The following RAB38 variants were observed in gnomAD, a reference collection of about 807,000 sequenced individuals.
The protein encoded by RAB38 is ras-related protein Rab-38.
Under a neutral mutation model 18.4 loss-of-function variants are expected in RAB38, and 15 were observed. That is an observed-to-expected ratio of 0.82 (90% CI 0.55 to 1.26). The LOEUF is 1.26. Among genes scored for constraint, RAB38 ranks in the 50% most tolerant of loss-of-function variants. RAB38 has a pLI of 0.00. For synonymous variants in RAB38, 101 were observed against 104.4 expected, an observed-to-expected ratio of 0.97 and a Z score of 0.20; for missense variants, 294 against 267.4, an observed-to-expected ratio of 1.10 and a Z score of -0.69.
the RAB38 span, among the ~76,000 whole-genome samples, chr11:88,052,927 T>TTTC: frequency 3.7e-3 from 161 of 43,838 alleles, 9 homozygotes; most frequent in South Asian, 0.016. Context: ...TATATATATA[T>TTTC]ATATATATAT....
the RAB38 span, among the ~76,000 whole-genome samples, chr11:87,838,089 G>T: frequency 0.25 from 37,605 of 151,746 alleles, 5,816 homozygotes; most frequent in African/African-American, 0.43. Flanking sequence ...CAGGAAGAAA[G>T]GCTTACATTC....
the RAB38 span, among the ~76,000 whole-genome samples, chr11:88,039,801 G>A: frequency 1.3e-5 from 2 of 152,158 alleles, no homozygotes. Context: ...GTAGAGTAAA[G>A]AACTATGACC....
the RAB38 span, among the ~76,000 whole-genome samples, chr11:88,033,585 G>A: frequency 6.6e-6 from 1 of 151,954 alleles, no homozygotes; most frequent in Non-Finnish European, 1.5e-5. Flanking sequence ...TGATATTGAA[G>A]TAATCCACCA....
the RAB38 span, among the ~76,000 whole-genome samples, chr11:88,091,463 C>T: frequency 1.3e-5 from 2 of 151,948 alleles, no homozygotes; most frequent in Non-Finnish European, 2.9e-5. Flanking sequence ...CACTAATCAC[C>T]TTCTCACCAT....
At chr11:88,056,018 C>CGTGTGTGT in the RAB38 span, among the ~76,000 whole-genome samples, 1 of 149,862 alleles carries the variant, frequency 6.7e-6, no homozygotes, top group African/African-American at 2.4e-5. Flanking sequence ...TTTTTTCTTT[C>CGTGTGTGT]GTGTGTGTGT....
chr11:88,090,539 A>C, the RAB38 span, among the ~76,000 whole-genome samples: 2 of 152,032 alleles, frequency 1.3e-5, no homozygotes, highest in African/African-American at 4.8e-5. Flanking sequence ...GAAATAGGAC[A>C]AAAGAAGTAT....
At chr11:87,818,208 T>C in the RAB38 span, among the ~76,000 whole-genome samples, 1 of 152,206 alleles carries the variant, frequency 6.6e-6, no homozygotes, top group African/African-American at 2.4e-5. Context: ...GTGATGCTGC[T>C]ACTAGTTTGG....
chr11:87,844,521 G>A, the RAB38 span, among the ~76,000 whole-genome samples: 1 of 152,134 alleles, frequency 6.6e-6, no homozygotes, highest in African/African-American at 2.4e-5. Context: ...ATAGTAGGAG[G>A]TCTAAAACTT....
At chr11:88,041,266 C>G in the RAB38 span, among the ~76,000 whole-genome samples, 1 of 152,220 alleles carries the variant, frequency 6.6e-6, no homozygotes, top group Non-Finnish European at 1.5e-5. Flanking sequence ...CCTGCGTTTT[C>G]AGTCCCACTC....
At chr11:88,133,021 C>T (rs1942784857) in intron 2 of RAB38, among the ~76,000 whole-genome samples, 1 of 152,052 alleles carries the variant, frequency 6.6e-6, no homozygotes, top group African/African-American at 2.4e-5. Flanking sequence ...TGAACTACTG[C>T]ATACAATAGA....
chr11:87,965,445 G>A, the RAB38 span, among the ~76,000 whole-genome samples: 2 of 152,094 alleles, frequency 1.3e-5, no homozygotes, highest in African/African-American at 2.4e-5. Context: ...GATGACGACT[G>A]AATTTGAGAG....
the RAB38 span, among the ~76,000 whole-genome samples, chr11:87,886,835 T>G: frequency 6.6e-6 from 1 of 151,466 alleles, no homozygotes; most frequent in Non-Finnish European, 1.5e-5. Flanking sequence ...TTTTTTTTTT[T>G]TTTTTCTTTT....
chr11:87,813,388 G>A, the RAB38 span, among the ~76,000 whole-genome samples: 1 of 152,068 alleles, frequency 6.6e-6, no homozygotes, highest in Non-Finnish European at 1.5e-5. Context: ...CTCCTTTCAG[G>A]AGGTAGATAA....
chr11:87,879,617 T>C, the RAB38 span: 1 of 151,752 alleles, frequency 6.6e-6, no homozygotes, highest in Non-Finnish European at 1.5e-5. Flanking sequence ...GCAACCTCTA[T>C]GCTCATCTCA....
intron 1 of RAB38, among the ~76,000 whole-genome samples, chr11:88,159,260 T>C (rs1029398397): frequency 6.0e-5 from 9 of 149,584 alleles, no homozygotes; most frequent in African/African-American, 2.2e-4. Flanking sequence ...TACCTAGGAA[T>C]ACATCTAACC....
chr11:87,884,999 C>G, the RAB38 span, among the ~76,000 whole-genome samples: 1 of 152,006 alleles, frequency 6.6e-6, no homozygotes. Flanking sequence ...TGAAAAACTT[C>G]AAAAAATAGA....
At chr11:88,089,576 A>T in the RAB38 span, among the ~76,000 whole-genome samples, 16,921 of 151,962 alleles carry the variant, frequency 0.11, 1,227 homozygotes, top group Admixed American at 0.19. Context: ...CCTTGCTACA[A>T]TTGACTGGCT....
the RAB38 span, among the ~76,000 whole-genome samples, chr11:88,056,630 G>A: frequency 0.11 from 16,968 of 151,764 alleles, 1,861 homozygotes; most frequent in East Asian, 0.33. Flanking sequence ...CGGTGAAACC[G>A]CGTCTCTACT....
the RAB38 span, among the ~76,000 whole-genome samples, chr11:87,925,672 G>T: frequency 6.6e-6 from 1 of 152,020 alleles, no homozygotes; most frequent in Non-Finnish European, 1.5e-5. Context: ...GTCCCAAGAG[G>T]TGATCTCACA....
Sources: allele counts gnomAD v4.1 joint callset (sites outside exome capture counted in the v4.1 genomes callset), GRCh38; gene constraint gnomAD v4.1.1; transcripts MANE v1.5; gene names NCBI Gene and HGNC (gene_info 2026-07-23, HGNC 2026-07-21).